Variants in LUC7L3 observed in about 807,000 individuals in gnomAD.
LUC7L3 encodes the protein LUC7 like 3 pre-mRNA splicing factor.
A neutral mutation model predicts 66.8 loss-of-function variants in LUC7L3; 6 were observed. The ratio of observed to expected loss-of-function variants is 0.09; its 90% CI spans 0.05 to 0.18. LUC7L3 has a LOEUF of 0.18. Among genes scored for constraint, LUC7L3 ranks in the 10% least tolerant of loss-of-function variants. The pLI, the probability that LUC7L3 is intolerant of heterozygous loss-of-function variation, is 1.00. For synonymous variants in LUC7L3, 160 were observed against 174.7 expected (o/e 0.92, Z 0.66); for missense variants, 341 against 531.1 (o/e 0.64, Z 3.52).
At chr17:50,721,146 A>G (rs947888112) in intron 1 of LUC7L3, among the ~76,000 whole-genome samples, 19 of 152,050 alleles carry the variant, frequency 1.2e-4, no homozygotes, top group African/African-American at 3.9e-4. Context: ...AAACTTTGCA[A>G]ATGTGTTAGG....
intron 9 of LUC7L3, among the ~76,000 whole-genome samples, chr17:50,747,438 TA>T (rs1466180107): frequency 6.6e-6 from 1 of 151,904 alleles, no homozygotes; most frequent in Non-Finnish European, 1.5e-5. Flanking sequence ...ATAAAAGATA[TA>T]AAATATCTTT....
intron 1 of LUC7L3, among the ~76,000 whole-genome samples, chr17:50,735,176 G>C (rs1969891891): frequency 6.7e-6 from 1 of 149,394 alleles, no homozygotes; most frequent in South Asian, 2.1e-4. Flanking sequence ...GTTGCGGTGA[G>C]CCAAGATCAT....
chr17:50,740,373 C>G (rs757181522), intron 3 of LUC7L3, 28 bp downstream of exon 3: 4 of 1,594,622 alleles, frequency 2.5e-6, no homozygotes, highest in Admixed American at 3.5e-5. Flanking sequence ...TCATTTCCAC[C>G]CCCCCAGTTA....
intron 3 of LUC7L3, 98 bp downstream of exon 3, chr17:50,740,443 G>A (rs1970277997): frequency 8.5e-7 from 1 of 1,173,712 alleles, no homozygotes; most frequent in South Asian, 1.4e-5. Context: ...TAAAATGAGT[G>A]TCTGAGAGAA....
intron 1 of LUC7L3, among the ~76,000 whole-genome samples, chr17:50,735,590 C>G (rs1231923249): frequency 6.6e-6 from 1 of 152,036 alleles, no homozygotes; most frequent in Non-Finnish European, 1.5e-5. Context: ...ATTGCAGCCT[C>G]GACCTCCCAG....
At chr17:50,740,149 C>T (rs1707689337) in intron 2 of LUC7L3, 157 bp from the exon 3 acceptor site, 2 of 592,080 alleles carry the variant, frequency 3.4e-6, no homozygotes, top group African/African-American at 3.9e-5. Context: ...GGTTATGATG[C>T]TTCATGATTT....
intron 1 of LUC7L3, among the ~76,000 whole-genome samples, chr17:50,735,726 G>C (rs1342446707): frequency 6.6e-6 from 1 of 152,058 alleles, no homozygotes; most frequent in Non-Finnish European, 1.5e-5. Context: ...TCAAATTCCT[G>C]GGCTAAAGTT....
intron 1 of LUC7L3, among the ~76,000 whole-genome samples, chr17:50,731,148 C>T (rs969665948): frequency 1.3e-5 from 2 of 152,112 alleles, no homozygotes; most frequent in Admixed American, 1.3e-4. Context: ...ATGATTATAT[C>T]CAAAAGTAAG....
chr17:50,737,108 A>G, intron 2 of LUC7L3, 82 bp downstream of exon 2: 1 of 946,784 alleles, frequency 1.1e-6, no homozygotes, highest in Non-Finnish European at 1.6e-6. Flanking sequence ...AAAAAAACTG[A>G]TTATAATTCT....
At chr17:50,722,492 GGCC>G (rs910152692) in intron 1 of LUC7L3, 2 of 151,986 alleles carry the variant, frequency 1.3e-5, no homozygotes, top group African/African-American at 4.8e-5. Context: ...CACCGCGCCC[GGCC>G]GGCTCCTCTT....
chr17:50,729,896 TTATATATATATATATATATATATATA>T (rs1156777167), intron 1 of LUC7L3, among the ~76,000 whole-genome samples: 119 of 65,568 alleles, frequency 1.8e-3, no homozygotes, highest in African/African-American at 2.2e-3. Context: ...TATAAATACA[TTATATATATATATATATATATATATA>T]TATATATATA....
At chr17:50,729,513 C>T (rs1969422713) in intron 1 of LUC7L3, among the ~76,000 whole-genome samples, 2 of 152,098 alleles carry the variant, frequency 1.3e-5, no homozygotes, top group South Asian at 4.1e-4. Flanking sequence ...ATCCCGGCTG[C>T]CCAGGATGCA....
intron 9 of LUC7L3, among the ~76,000 whole-genome samples, chr17:50,747,216 T>C (rs1406529129): frequency 1.4e-5 from 2 of 142,254 alleles, no homozygotes; most frequent in African/African-American, 2.7e-5. Context: ...CCCTTTACTT[T>C]TTCTTTTTTC....
chr17:50,749,390 G>C, intron 9 of LUC7L3: 1 of 1,252,698 alleles, frequency 8.0e-7, no homozygotes, highest in Non-Finnish European at 1.0e-6. Context: ...CAAGTGGACA[G>C]ACAGACATGA....
At chr17:50,730,529 A>AAAAAAAAAAAAAAG (rs1567861403) in intron 1 of LUC7L3, among the ~76,000 whole-genome samples, 3 of 150,818 alleles carry the variant, frequency 2.0e-5, no homozygotes, top group African/African-American at 7.4e-5. Flanking sequence ...AAAAAAAAAA[A>AAAAAAAAAAAAAAG]AAAAAAAAAG....
Position 50,738,079 on chromosome 17 carries a change from T to G in LUC7L3, c.166+1053T>G, listed in dbSNP as rs1261006586. 7 of 427,684 alleles carry G rather than the reference T, an allele frequency of 1.6e-5. No homozygotes were observed. The Admixed American group carries it at 2.1e-4, about 13-fold the overall frequency. The allele number at this position is 427,684 out of a possible 1,614,324, so 26.5% of individuals were successfully genotyped here. On this transcript the variant is annotated intron_variant, in intron 2 of 9. Transcript: ENST00000505658. ...AGAGTAAATGAATCTATATTTTTAT[T>G]GGTGGGGCTCTCCTCTGCCCTGTTC...
At chr17:50,735,231 A>G (rs1478571653) in intron 1 of LUC7L3, among the ~76,000 whole-genome samples, 1 of 73,288 alleles carries the variant, frequency 1.4e-5, no homozygotes, top group Admixed American at 1.3e-4. Flanking sequence ...ACTCTGTCTC[A>G]AAAAAAAAAA....
rs55943930 is a variant in LUC7L3, at chr17:50,750,993, CTTTT to C, written c.*341_*344del. 1.4e-5 allele frequency: 15 copies of C among 1,077,644 alleles called. No individual in the cohort carries two copies. The highest frequency in any genetic ancestry group is 4.1e-5 in the South Asian group (2 of 49,370). The allele number at this position is 1,077,644 out of a possible 1,614,324, so 66.8% of individuals were successfully genotyped here. ...TTTTTTAGGGATTTTGATGTCATTT[CTTTT>C]TTTTTTTTAATAAAAAGGTTGAACT... On this transcript the variant is annotated 3_prime_UTR_variant, in exon 10 of 10. Coordinates refer to ENST00000505658, the MANE Select transcript of LUC7L3 (RefSeq NM_016424.5).
intron 2 of LUC7L3, chr17:50,737,989 C>T (rs1405418006): frequency 3.0e-6 from 1 of 335,528 alleles, no homozygotes; most frequent in Non-Finnish European, 5.8e-6. Context: ...AAGGCAGGAC[C>T]AGTCTAGATC....
Sources: allele counts gnomAD v4.1 joint callset (sites outside exome capture counted in the v4.1 genomes callset), GRCh38; gene constraint gnomAD v4.1.1; transcripts MANE v1.5; gene names NCBI Gene and HGNC (gene_info 2026-07-23, HGNC 2026-07-21).